PHAX: variants seen among roughly 807,000 people sequenced by gnomAD.
The protein encoded by PHAX is phosphorylated adaptor for RNA export.
In PHAX, 31 loss-of-function variants were observed where a neutral mutation model predicts 41.6. The observed-to-expected ratio is 0.75, with a 90% CI of 0.56 to 1.01. The LOEUF (loss-of-function observed/expected upper bound fraction) is 1.01. Among genes scored for constraint, PHAX ranks in the 50% least tolerant of loss-of-function variants. The probability of loss-of-function intolerance (pLI) is 0.00; values close to 1 mark genes in which losing one functional copy is unlikely to be tolerated. For missense variants in PHAX, 453 were observed against 472.9 expected (o/e 0.96, Z 0.39); for synonymous variants, 175 against 164.9 (o/e 1.06, Z -0.47).
Position 126,609,160 on chromosome 5 carries a change from G to A in PHAX, c.831+676G>A, listed in dbSNP as rs531559816. ...CTGTCGCCCAGACTGGAGTGCAGTG[G>A]CGCAATCTCGGCTCACTGCAACCTC... On this transcript the variant is annotated intron_variant, in intron 3 of 4. Transcript: ENST00000297540. Among the ~76,000 whole-genome samples, 37 of 143,250 alleles carry A rather than the reference G, an allele frequency of 2.6e-4. No homozygotes were observed. In the South Asian group the frequency reaches 8.1e-3, roughly 31 times the overall value. The allele number at this position is 143,250 out of a possible 152,430, so 94.0% of individuals were successfully genotyped here. A position where few individuals can be genotyped will look rare whatever the true frequency, so the allele number is the denominator to read the frequency against.
rs377541434 is a variant in PHAX, at chr5:126,603,772, G to A, written c.299G>A (p.Gly100Asp). The A allele has an allele frequency of 1.6e-5, 26 of 1,614,114 alleles. No homozygotes were observed. The African/African-American group carries it at 3.3e-4, about 21-fold the overall frequency. The change falls in exon 2 of 5, where the codon GGC becomes GAC. Residue 100 changes from glycine to aspartate, a missense_variant. Physicochemically the swap from Gly to Asp is moderately conservative, Grantham distance 94. Transcript: ENST00000297540. ...CCCAAACCAGAGCCTTTTCAGTTTG[G>A]CCAGAGCAGTCAGAAACCACCTGTT... ...PPPKPEPFQF[G>D]QSSQKPPVAG...
chr5:126,616,996 T>C (rs1452899718), intron 3 of PHAX, among the ~76,000 whole-genome samples: 1 of 152,094 alleles, frequency 6.6e-6, no homozygotes, highest in Non-Finnish European at 1.5e-5. Context: ...TTTGTTACCA[T>C]ATAGATTTTT....
intron 2 of PHAX, 42 bp downstream of exon 2, chr5:126,604,225 T>G: frequency 6.8e-7 from 1 of 1,480,880 alleles, no homozygotes; most frequent in Non-Finnish European, 9.0e-7. Flanking sequence ...CCAGATGGCT[T>G]CTATTTACAG....
At chr5:126,605,309 G>A (rs1448165139) in intron 2 of PHAX, among the ~76,000 whole-genome samples, 1 of 152,086 alleles carries the variant, frequency 6.6e-6, no homozygotes, top group Non-Finnish European at 1.5e-5. Context: ...TTATAGGTGT[G>A]AGCCACTGTA....
Position 126,616,733 on chromosome 5 carries a change from C to T in PHAX, c.832-517C>T, listed in dbSNP as rs183096715. Among the ~76,000 whole-genome samples the T allele has an allele frequency of 5.1e-3, 776 of 151,854 alleles. 8 individuals are homozygous for T. The highest frequency in any genetic ancestry group is 0.017 in the African/African-American group (700 of 41,424). On this transcript the variant is annotated intron_variant, in intron 3 of 4. Coordinates refer to ENST00000297540, the MANE Select transcript of PHAX (RefSeq NM_032177.4). ...CGTTTCTACTAAAAATACAAAAATT[C>T]GCCAGGCGTGGTGGGGAGTGCCTAT...
intron 3 of PHAX, among the ~76,000 whole-genome samples, chr5:126,609,442 AG>A (rs1262608454): frequency 1.3e-5 from 2 of 152,038 alleles, no homozygotes; most frequent in African/African-American, 4.8e-5. Context: ...AGGGGAGCCT[AG>A]GAGCTCAGAT....
chr5:126,620,847 C>T (rs1245051483), intron 4 of PHAX, among the ~76,000 whole-genome samples: 2 of 152,068 alleles, frequency 1.3e-5, no homozygotes, highest in Non-Finnish European at 2.9e-5. Flanking sequence ...AAGCAGTTCT[C>T]TCACCTCAGC....
intron 2 of PHAX, among the ~76,000 whole-genome samples, chr5:126,605,747 G>T (rs1751979683): frequency 6.6e-6 from 1 of 152,152 alleles, no homozygotes; most frequent in African/African-American, 2.4e-5. Context: ...AGACTTTTAT[G>T]AACTGTTAAA....
At chr5:126,613,808 C>T (rs1452044556) in intron 3 of PHAX, among the ~76,000 whole-genome samples, 13 of 150,096 alleles carry the variant, frequency 8.7e-5, no homozygotes, top group Non-Finnish European at 2.9e-5. Flanking sequence ...CAGGGTCTCA[C>T]TCTGTCATCC....
intron 4 of PHAX, among the ~76,000 whole-genome samples, chr5:126,620,518 G>A (rs1490511006): frequency 6.6e-6 from 1 of 152,068 alleles, no homozygotes; most frequent in Non-Finnish European, 1.5e-5. Flanking sequence ...AAAATTATAT[G>A]CCTGAGATCA....
intron 4 of PHAX, among the ~76,000 whole-genome samples, chr5:126,623,436 A>C (rs527702161): frequency 6.6e-6 from 1 of 152,210 alleles, no homozygotes; most frequent in Non-Finnish European, 1.5e-5. Context: ...TGTGAGGACG[A>C]AATGAGTTAA....
At chr5:126,622,792 T>A (rs180770198) in intron 4 of PHAX, among the ~76,000 whole-genome samples, 1 of 152,202 alleles carries the variant, frequency 6.6e-6, no homozygotes, top group African/African-American at 2.4e-5. Context: ...TGGAAAAAAT[T>A]GCAAATCATC....
intron 3 of PHAX, 97 bp downstream of exon 3, chr5:126,608,581 A>G: frequency 2.2e-6 from 2 of 914,596 alleles, no homozygotes; most frequent in Non-Finnish European, 3.4e-6. Flanking sequence ...TCTGTGATTT[A>G]TCATGCATTC....
rs1751886287 is a variant in PHAX at position 126,600,971 on chromosome 5, G to A, written c.9G>A (p.Leu3=). The part of the protein sequence containing the change: MA[L]EVGDMEDGQL... The stretch of plus-strand genomic sequence containing the variant: ...CAGCGCACCGCGGGAAGATGGCGTT[G>A]GAGGTCGGCGATATGGAAGATGGGC... The change falls in exon 1 of 5, where the codon TTG becomes TTA. Residue 3 remains leucine (L), a synonymous_variant. Coordinates refer to ENST00000297540, the MANE Select transcript of PHAX (RefSeq NM_032177.4). 1.2e-6 allele frequency: 2 copies of A among 1,604,512 alleles called. No homozygotes were observed. Among genetic ancestry groups the A allele is most frequent in the Non-Finnish European group, 1.7e-6 (2 of 1,175,580 alleles).
intron 3 of PHAX, among the ~76,000 whole-genome samples, chr5:126,615,908 A>ATG (rs758206209): frequency 5.9e-5 from 9 of 152,078 alleles, no homozygotes; most frequent in African/African-American, 1.9e-4. Flanking sequence ...AAGCCACTGT[A>ATG]TGTGTGTATA....
Position 126,625,028 on chromosome 5 carries a change from CA to C in PHAX, c.*188del. The C allele has an allele frequency of 1.7e-6, 1 of 584,004 alleles. No homozygotes were observed. The highest frequency in any genetic ancestry group is 2.9e-6 in the Non-Finnish European group (1 of 340,070). The allele number at this position is 584,004 out of a possible 1,614,324, so 36.2% of individuals were successfully genotyped here. Reference sequence around the variant, plus strand: ...ATAGAACATTTAAAGATATATCTGACAAAATACTTAAGAGTATATAGCACAG... The same window carrying C: ...ATAGAACATTTAAAGATATATCTGACAAATACTTAAGAGTATATAGCACAG... On this transcript the variant is annotated 3_prime_UTR_variant, in exon 5 of 5. Transcript: ENST00000297540.
At chr5:126,604,294 G>A in intron 2 of PHAX, 111 bp downstream of exon 2, 2 of 533,272 alleles carry the variant, frequency 3.8e-6, no homozygotes, top group Non-Finnish European at 5.3e-6. Flanking sequence ...TTTTTTTTTT[G>A]GAGACAGGGT....
Position 126,627,026 on chromosome 5 carries a change from T to A in PHAX, c.*2182T>A, listed in dbSNP as rs1241260166. 6.6e-6 allele frequency: 1 copy of A among 152,178 alleles called. No individual in the cohort carries two copies. Among genetic ancestry groups the A allele is most frequent in the Non-Finnish European group, 1.5e-5 (1 of 68,036 alleles). The allele number at this position is 152,178 out of a possible 1,614,324, so 9.4% of individuals were successfully genotyped here. ...AAGAGTTAACTATAGTTTACAAAAATATATTAAGCAAAAATATGCTTGATA... is the reference window on the plus strand; with the variant it reads ...AAGAGTTAACTATAGTTTACAAAAAAATATTAAGCAAAAATATGCTTGATA... On this transcript the variant is annotated 3_prime_UTR_variant, in exon 5 of 5. Coordinates refer to ENST00000297540, the MANE Select transcript of PHAX (RefSeq NM_032177.4).
Position 126,624,695 on chromosome 5 carries a change from G to A in PHAX, c.1036G>A (p.Asp346Asn), listed in dbSNP as rs1752320024. The A allele has an allele frequency of 1.2e-6, 2 of 1,614,070 alleles. No individual in the cohort carries two copies. The highest frequency in any genetic ancestry group is 1.7e-5 in the Admixed American group (1 of 59,998). The part of the protein sequence containing the change: ...QAIKSLNFQE[D>N]DDTSRETFAS... ...TATTAAAAGTCTAAATTTTCAAGAA[G>A]ATGATGATACATCACGAGAAACTTT... Residue 346 changes from aspartate to asparagine, a missense_variant, in exon 5 of 5, where the codon GAT becomes AAT. Physicochemically the swap from Asp to Asn is conservative, Grantham distance 23. Coordinates refer to ENST00000297540, the MANE Select transcript of PHAX (RefSeq NM_032177.4).
Sources: allele counts gnomAD v4.1 joint callset (sites outside exome capture counted in the v4.1 genomes callset), GRCh38; gene constraint gnomAD v4.1.1; transcripts MANE v1.5; gene names NCBI Gene and HGNC (gene_info 2026-07-23, HGNC 2026-07-21).